The following RCVRN variants were observed in gnomAD, a reference collection of about 807,000 sequenced individuals.
RCVRN encodes cancer associated retinopathy antigen.
Under a neutral mutation model 20.4 loss-of-function variants are expected in RCVRN, and 23 were observed. The observed-to-expected ratio is 1.13, with a 90% CI of 0.81 to 1.60. The LOEUF is 1.60. Ranked by LOEUF, RCVRN falls within the 40% of genes most tolerant of loss-of-function variation. The pLI, the probability that RCVRN is intolerant of heterozygous loss-of-function variation, is 0.00. For synonymous variants in RCVRN, 105 were observed against 105.9 expected (o/e 0.99, Z 0.05); for missense variants, 254 against 254.2 (o/e 1.00, Z 0.00).
intron 2 of RCVRN, among the ~76,000 whole-genome samples, chr17:9,900,647 T>G (rs1426405543): frequency 6.6e-6 from 1 of 152,120 alleles, no homozygotes; most frequent in Non-Finnish European, 1.5e-5. Flanking sequence ...CATTTAAATC[T>G]AATCCTATCT....
Position 9,897,070 on chromosome 17 carries a change from A to G in RCVRN, c.*1025T>C, listed in dbSNP as rs1597413685. 1 of 152,264 alleles carries G rather than the reference A, an allele frequency of 6.6e-6. No homozygotes were observed. Among genetic ancestry groups the G allele is most frequent in the South Asian group, 2.1e-4 (1 of 4,816 alleles). 9.4% of individuals were successfully genotyped at this position (152,264 alleles called of 1,614,324 possible). A position where few individuals can be genotyped will look rare whatever the true frequency, so the allele number is the denominator to read the frequency against. ...GGCTCCCTGACTCCAGGGAGCCCCCAGTTGCTCCTCTCTGACTTATTTTAG... is the reference window on the plus strand; with the variant it reads ...GGCTCCCTGACTCCAGGGAGCCCCCGGTTGCTCCTCTCTGACTTATTTTAG... On this transcript the variant is annotated 3_prime_UTR_variant, in exon 3 of 3. Transcript: ENST00000226193.
Position 9,904,652 on chromosome 17 carries a change from A to T in RCVRN, c.381+148T>A. ...TGCCCACCCCTCTATCAATATCAGC[A>T]TCTCGGAGCACCACGCTCTCAGAGC... On this transcript the variant is annotated intron_variant, in intron 1 of 2. Transcript: ENST00000226193. The surrounding 1 kb of genome is among the most constrained non-coding windows in gnomAD (Gnocchi z 5.8). 1.2e-6 allele frequency: 1 copy of T among 867,742 alleles called. No homozygotes were observed. Among genetic ancestry groups the T allele is most frequent in the Non-Finnish European group, 1.8e-6 (1 of 563,638 alleles). The allele number at this position is 867,742 out of a possible 1,614,324, so 53.8% of individuals were successfully genotyped here. A position where few individuals can be genotyped will look rare whatever the true frequency, so the allele number is the denominator to read the frequency against.
Position 9,904,893 on chromosome 17 carries a change from G to A in RCVRN, c.288C>T (p.Gly96=), listed in dbSNP as rs778150480. 4.3e-6 allele frequency: 7 copies of A among 1,614,254 alleles called. No individual in the cohort carries two copies. The South Asian group carries it at 4.4e-5, about 10-fold the overall frequency. ...YVIALHMTTA[G]KTNQKLEWAF... ...CCCACTCCAGCTTCTGGTTGGTCTT[G>A]CCCGCGGTGGTCATGTGCAGGGCGA... The change falls in exon 1 of 3, where the codon GGC becomes GGT. Residue 96 remains glycine, a synonymous_variant. Transcript: ENST00000226193. This position sits in a 1 kb window ranked among gnomAD's most constrained non-coding sequence, Gnocchi z 5.8.
In RCVRN at chr17:9,901,050, A is replaced by G; in HGVS notation, c.432T>C (p.Asp144=). The part of the protein sequence containing the change: ...TPEDVKLLPD[D]ENTPEKRAEK... ...CGGCTCGCTTTTCCGGCGTGTTTTC[A>G]TCGTCTGGAAGGAGCTTCACGTCCT... is the stretch of plus-strand genomic sequence containing the variant. The change falls in exon 2 of 3, where the codon GAT becomes GAC. Residue 144 remains aspartate, a synonymous_variant. Transcript: ENST00000226193. The G allele has an allele frequency of 1.9e-6, 3 of 1,610,560 alleles. No individual in the cohort carries two copies. Among genetic ancestry groups the G allele is most frequent in the East Asian group, 2.2e-5 (1 of 44,776 alleles).
chr17:9,897,982 AT>A lies in RCVRN; in HGVS notation c.*112del. The stretch of plus-strand genomic sequence containing the variant: ...GGCCTTTCTCTTGGCCCTGGGGTGG[AT>A]GTGTGTGTGTGTGTGTGCGCGCGCG... On this transcript the variant is annotated 3_prime_UTR_variant, in exon 3 of 3. Transcript: ENST00000226193. The A allele has an allele frequency of 1.5e-6, 1 of 652,038 alleles. No individual in the cohort carries two copies. The highest frequency in any genetic ancestry group is 2.8e-6 in the Non-Finnish European group (1 of 354,276). The allele number at this position is 652,038 out of a possible 1,614,324, so 40.4% of individuals were successfully genotyped here. A position where few individuals can be genotyped will look rare whatever the true frequency, so the allele number is the denominator to read the frequency against.
rs1429729180 is a variant in RCVRN, at chr17:9,898,103, T to G, written c.595A>C (p.Asn199His). ...CAGCTGAACAGTTGGCATCAGGCGT[T>G]CTTCATCTTTTCCTTCACTTTTTGA... ...EPQKVKEKMK[N>H]A The change falls in exon 3 of 3, where the codon AAC becomes CAC. Residue 199 changes from asparagine (N) to histidine (H), a missense_variant. Coordinates refer to ENST00000226193, the MANE Select transcript of RCVRN (RefSeq NM_002903.3). 6.2e-7 allele frequency: 1 copy of G among 1,612,534 alleles called. No homozygotes were observed. Among genetic ancestry groups the G allele is most frequent in the Non-Finnish European group, 8.5e-7 (1 of 1,178,698 alleles).
rs745566776 is a variant in RCVRN, at chr17:9,904,899, G to T, written c.282C>A (p.Thr94=). The T allele has an allele frequency of 1.2e-6, 2 of 1,614,212 alleles. No homozygotes were observed. Among genetic ancestry groups the T allele is most frequent in the Non-Finnish European group, 1.7e-6 (2 of 1,180,038 alleles). Residue 94 remains threonine, a synonymous_variant, in exon 1 of 3, where the codon ACC becomes ACA. Transcript: ENST00000226193. The surrounding 1 kb of genome is among the most constrained non-coding windows in gnomAD (Gnocchi z 5.8). Reference sequence around the variant, plus strand: ...CCAGCTTCTGGTTGGTCTTGCCCGCGGTGGTCATGTGCAGGGCGATGACGT... The same window carrying T: ...CCAGCTTCTGGTTGGTCTTGCCCGCTGTGGTCATGTGCAGGGCGATGACGT... ...KEYVIALHMT[T]AGKTNQKLEW...
rs796775964 is a variant in RCVRN at position 9,899,454 on chromosome 17, C to A, written c.494-1250G>T. ...ACGAACAGGAGTAACACGTCGACCT[C>A]GGGGCTTCTGACGTCATCCCCTCCC... On this transcript the variant is annotated intron_variant, in intron 2 of 2. Coordinates refer to ENST00000226193, the MANE Select transcript of RCVRN (RefSeq NM_002903.3). The surrounding 1 kb of genome is among the most constrained non-coding windows in gnomAD (Gnocchi z 4.6). Among the ~76,000 whole-genome samples, 1 of 152,210 alleles carries A rather than the reference C, an allele frequency of 6.6e-6. No homozygotes were observed. Among genetic ancestry groups the A allele is most frequent in the Non-Finnish European group, 1.5e-5 (1 of 68,044 alleles).
In RCVRN at chr17:9,904,685, C is replaced by A; in HGVS notation, c.381+115G>T. 8.2e-7 allele frequency: 1 copy of A among 1,224,670 alleles called. No homozygotes were observed. The highest frequency in any genetic ancestry group is 1.2e-6 in the Non-Finnish European group (1 of 867,268). 75.9% of individuals were successfully genotyped at this position (1,224,670 alleles called of 1,614,324 possible). A position where few individuals can be genotyped will look rare whatever the true frequency, so the allele number is the denominator to read the frequency against. ...GCACCACGCTCTCAGAGCCAGTGGC[C>A]CGCATCCCCCGCTCCACCCACAGAT... is the stretch of plus-strand genomic sequence containing the variant. On this transcript the variant is annotated intron_variant, in intron 1 of 2. Coordinates refer to ENST00000226193, the MANE Select transcript of RCVRN (RefSeq NM_002903.3). The surrounding 1 kb of genome is among the most constrained non-coding windows in gnomAD (Gnocchi z 5.8).
In RCVRN at chr17:9,896,729, T is replaced by C. The variant is rs1386148654; in HGVS notation, c.*1366A>G. On this transcript the variant is annotated 3_prime_UTR_variant, in exon 3 of 3. Transcript: ENST00000226193. ...TTCCTGTCATTGGGACTCCTTTTCC[T>C]TGTCTCTAAAACAAGGGGCTTTAGG... 2 of 152,268 alleles carry C rather than the reference T, an allele frequency of 1.3e-5. No homozygotes were observed. Among genetic ancestry groups the C allele is most frequent in the African/African-American group, 4.8e-5 (2 of 41,444 alleles). The allele number at this position is 152,268 out of a possible 1,614,324, so 9.4% of individuals were successfully genotyped here. A position where few individuals can be genotyped will look rare whatever the true frequency, so the allele number is the denominator to read the frequency against.
At position 9,904,916 on chromosome 17, in the gene RCVRN, C is replaced by T. The variant is rs568278385; in HGVS notation, c.265G>A (p.Ala89Thr). 22 of 1,614,124 alleles carry T rather than the reference C, an allele frequency of 1.4e-5. No individual in the cohort carries two copies. In the South Asian group the frequency reaches 2.0e-4, roughly 15 times the overall value. The change falls in exon 1 of 3, where the codon GCC (alanine) becomes ACC (threonine). Residue 89 changes from alanine to threonine, a missense_variant. Ala to Thr is a moderately conservative substitution (Grantham distance 58). Coordinates refer to ENST00000226193, the MANE Select transcript of RCVRN (RefSeq NM_002903.3). The surrounding 1 kb of genome is among the most constrained non-coding windows in gnomAD (Gnocchi z 5.8). The part of the protein sequence containing the change: ...GTLDFKEYVI[A>T]LHMTTAGKTN... ...TTGCCCGCGGTGGTCATGTGCAGGG[C>T]GATGACGTACTCCTTGAAGTCCAGG...
chr17:9,901,504 T>C (rs984786220), intron 1 of RCVRN, among the ~76,000 whole-genome samples: 1 of 130,350 alleles, frequency 7.7e-6, no homozygotes, highest in African/African-American at 2.5e-5. Context: ...ATAATGGCTG[T>C]GAAATTATCC....
chr17:9,902,367 A>C (rs1445485783), intron 1 of RCVRN, among the ~76,000 whole-genome samples: 1 of 152,116 alleles, frequency 6.6e-6, no homozygotes, highest in Non-Finnish European at 1.5e-5. Flanking sequence ...CATGGACCAC[A>C]AGCTGCATGC....
chr17:9,904,316 C>A lies in RCVRN; in HGVS notation c.381+484G>T, dbSNP rs1038489862. On this transcript the variant is annotated intron_variant, in intron 1 of 2. Transcript: ENST00000226193. The surrounding 1 kb of genome is among the most constrained non-coding windows in gnomAD (Gnocchi z 5.8). ...GGGCACTCACCATGAGTGGAGCTTG[C>A]AGGACTGGGAGTTGCTCTGGGTGAG... Among the ~76,000 whole-genome samples, 1 of 152,166 alleles carries A rather than the reference C, an allele frequency of 6.6e-6. No homozygotes were observed. The highest frequency in any genetic ancestry group is 1.5e-5 in the Non-Finnish European group (1 of 68,040).
At chr17:9,901,629 A>G (rs1170901781) in intron 1 of RCVRN, among the ~76,000 whole-genome samples, 1 of 152,190 alleles carries the variant, frequency 6.6e-6, no homozygotes, top group Non-Finnish European at 1.5e-5. Flanking sequence ...CAGCACTCAA[A>G]GCCCTGAGCT....
Position 9,901,149 on chromosome 17 carries a change from T to C in RCVRN, c.382-49A>G, listed in dbSNP as rs199974096. On this transcript the variant is annotated intron_variant, in intron 1 of 2. Coordinates refer to ENST00000226193, the MANE Select transcript of RCVRN (RefSeq NM_002903.3). ...CTCGTTAGGAGGAACTTTAAGGGGC[T>C]GGCAACCCTGGAAAATCCACATCTT... 1.4e-4 allele frequency: 143 copies of C among 1,051,124 alleles called. 2 individuals are homozygous for C. In the East Asian group the frequency reaches 3.3e-3, roughly 25 times the overall value. The allele number at this position is 1,051,124 out of a possible 1,614,324, so 65.1% of individuals were successfully genotyped here. A position where few individuals can be genotyped will look rare whatever the true frequency, so the allele number is the denominator to read the frequency against.
chr17:9,902,730 G>T (rs2067346946), intron 1 of RCVRN, among the ~76,000 whole-genome samples: 1 of 152,244 alleles, frequency 6.6e-6, no homozygotes, highest in African/African-American at 2.4e-5. Context: ...GGGTGCGGAA[G>T]CTCACGCCTG....
intron 2 of RCVRN, among the ~76,000 whole-genome samples, chr17:9,898,579 G>A (rs1242956925): frequency 5.9e-5 from 9 of 152,180 alleles, no homozygotes; most frequent in African/African-American, 1.9e-4. Context: ...AGTAGCTCAA[G>A]TTTCAAGGAT....
Position 9,899,647 on chromosome 17 carries a change from C to A in RCVRN, c.493+1342G>T, listed in dbSNP as rs2067333086. The stretch of plus-strand genomic sequence containing the variant: ...GTCTGTGCAAGGAGGAGAGAGTGCT[C>A]AAAGGTGAGGGGCCAATCCGGGCCG... On this transcript the variant is annotated intron_variant, in intron 2 of 2. Coordinates refer to ENST00000226193, the MANE Select transcript of RCVRN (RefSeq NM_002903.3). The surrounding 1 kb of genome is among the most constrained non-coding windows in gnomAD (Gnocchi z 4.6). Among the ~76,000 whole-genome samples the A allele has an allele frequency of 6.6e-6, 1 of 152,112 alleles. No individual in the cohort carries two copies. The highest frequency in any genetic ancestry group is 1.5e-5 in the Non-Finnish European group (1 of 68,032).
Sources: gnomAD v4.1 joint callset for allele counts (sites outside exome capture counted in the v4.1 genomes callset) on GRCh38, gnomAD v4.1.1 for gene constraint, Gnocchi (gnomAD v3.1) non-coding constraint, MANE v1.5 for transcripts, NCBI Gene and HGNC (gene_info 2026-07-23, HGNC 2026-07-21) for gene names.